The following DIP2C variants were observed in gnomAD, a reference collection of about 807,000 sequenced individuals.
DIP2C encodes the protein disco-interacting protein 2 homolog C.
Under a neutral mutation model 192.4 loss-of-function variants are expected in DIP2C, and 33 were observed. That is an observed-to-expected ratio of 0.17 (90% confidence interval 0.13 to 0.23). DIP2C has a LOEUF of 0.23. DIP2C is among the 10% of genes least tolerant of loss of function. DIP2C has a pLI of 1.00. For synonymous variants in DIP2C, 979 were observed against 864.1 expected (o/e 1.13, Z -2.33); for missense variants, 1,537 against 2,110.1 (o/e 0.73, Z 5.32).
chr10:568,853 T>G (rs1193659421), intron 1 of DIP2C, among the ~76,000 whole-genome samples: 1 of 144,286 alleles, frequency 6.9e-6, no homozygotes, highest in Non-Finnish European at 1.5e-5. Flanking sequence ...TCTGCAAATG[T>G]CTACCTGCAA....
rs750418580 is a variant in DIP2C, at chr10:345,066, C to T, written c.3276G>A (p.Lys1092=). ...CCGCCGCCTCCCTGGACCGCAGCAA[C>T]TTACAGATCAGCTGTGTCGTCATCA... ...ACLMTTQLIC[K]LLRSREAAAA... is the part of the protein sequence containing the mutation. Residue 1092 remains lysine, a synonymous_variant, in exon 27 of 37, where the codon AAG becomes AAA. Coordinates refer to ENST00000280886, the MANE Select transcript of DIP2C (RefSeq NM_014974.3). The T allele has an allele frequency of 5.0e-6, 8 of 1,613,610 alleles. No homozygotes were observed. The highest frequency in any genetic ancestry group is 1.3e-5 in the African/African-American group (1 of 74,934).
rs368878837 is a variant in DIP2C at position 419,169 on chromosome 10, G to A, written c.635C>T (p.Thr212Met). The change falls in exon 6 of 37, where the codon ACG becomes ATG. Residue 212 changes from threonine to methionine, a missense_variant. Around this residue, in one of 4 missense-constraint regions of DIP2C, gnomAD observed 473 missense variants for 539.6 expected, o/e 0.88. Coordinates refer to ENST00000280886, the MANE Select transcript of DIP2C (RefSeq NM_014974.3). The stretch of plus-strand genomic sequence containing the variant: ...CTGTATCGAGTGCTCTGAGGTGTAC[G>A]TGGTTACGTCAGGAGGTGCAGAATG... ...ENHSAPPDVTTYTSEHSIQVE... is the reference protein window; with the variant it reads ...ENHSAPPDVTMYTSEHSIQVE... 4.3e-6 allele frequency: 7 copies of A among 1,614,254 alleles called. No homozygotes were observed. The highest frequency in any genetic ancestry group is 5.1e-6 in the Non-Finnish European group (6 of 1,180,050).
intron 1 of DIP2C, among the ~76,000 whole-genome samples, chr10:559,987 C>G (rs1210911991): frequency 7.1e-6 from 1 of 141,834 alleles, no homozygotes; most frequent in Admixed American, 6.9e-5. Flanking sequence ...TCCTGTTCTC[C>G]TCTCCCCCCG....
At chr10:643,991 G>C (rs1430360612) in intron 1 of DIP2C, among the ~76,000 whole-genome samples, 8 of 152,200 alleles carry the variant, frequency 5.3e-5, no homozygotes, top group Non-Finnish European at 1.5e-5. Flanking sequence ...TTCCAGTTCT[G>C]TTCATTCTGC....
Position 335,600 on chromosome 10 carries a change from G to A in DIP2C, c.3584+5599C>T, listed in dbSNP as rs562989803. Among the ~76,000 whole-genome samples the A allele has an allele frequency of 3.3e-5, 5 of 152,358 alleles. No individual in the cohort carries two copies. The East Asian group carries it at 9.6e-4, about 29-fold the overall frequency. On this transcript the variant is annotated intron_variant, in intron 29 of 36. Coordinates refer to ENST00000280886, the MANE Select transcript of DIP2C (RefSeq NM_014974.3). ...TCTAGGCAGGTGCATTGTCCAATCA[G>A]TCCCCTAACTTGGGGGCTGGTGCTT...
At chr10:592,911 G>C (rs1851485994) in intron 1 of DIP2C, among the ~76,000 whole-genome samples, 1 of 151,488 alleles carries the variant, frequency 6.6e-6, no homozygotes, top group African/African-American at 2.5e-5. Flanking sequence ...GGAAACTTCT[G>C]TGCAAAATGG....
intron 30 of DIP2C, among the ~76,000 whole-genome samples, 184 bp downstream of exon 30, chr10:329,249 G>A (rs1349363394): frequency 2.6e-5 from 4 of 152,180 alleles, no homozygotes; most frequent in Non-Finnish European, 5.9e-5. Flanking sequence ...CTGTGGTCGT[G>A]GGGAAATATT....
chr10:517,582 A>T (rs185522769), intron 1 of DIP2C, among the ~76,000 whole-genome samples: 155 of 152,352 alleles, frequency 1.0e-3, no homozygotes, highest in African/African-American at 3.3e-3. Flanking sequence ...CATGATACCC[A>T]GAATGTCAGA....
intron 1 of DIP2C, among the ~76,000 whole-genome samples, chr10:678,836 C>T (rs1368595402): frequency 7.7e-6 from 1 of 129,488 alleles, no homozygotes; most frequent in Non-Finnish European, 1.6e-5. Context: ...TCCCCACACC[C>T]GTGCTCCCCG....
At chr10:566,410 G>T (rs138454685) in intron 1 of DIP2C, among the ~76,000 whole-genome samples, 1 of 152,296 alleles carries the variant, frequency 6.6e-6, no homozygotes, top group East Asian at 1.9e-4. Flanking sequence ...ACCCACCAGA[G>T]GCGCCACCAA....
intron 1 of DIP2C, among the ~76,000 whole-genome samples, chr10:542,758 T>C (rs2130908926): frequency 6.6e-6 from 1 of 152,094 alleles, no homozygotes; most frequent in African/African-American, 2.4e-5. Context: ...TGGGGGGTTC[T>C]GACCTTGTCC....
chr10:476,317 C>A (rs1003741941), intron 2 of DIP2C, among the ~76,000 whole-genome samples: 2 of 152,142 alleles, frequency 1.3e-5, no homozygotes, highest in Non-Finnish European at 2.9e-5. Flanking sequence ...CCTCCGGGGA[C>A]GGGAGATCCC....
chr10:344,565 TC>T (rs1178432728), intron 28 of DIP2C, among the ~76,000 whole-genome samples: 1 of 152,218 alleles, frequency 6.6e-6, no homozygotes, highest in Non-Finnish European at 1.5e-5. Context: ...TTCGCAGTGT[TC>T]TACTGTCAGC....
At chr10:623,354 G>A (rs1460116968) in intron 1 of DIP2C, among the ~76,000 whole-genome samples, 5 of 151,724 alleles carry the variant, frequency 3.3e-5, no homozygotes, top group East Asian at 1.9e-4. Context: ...CCGTGCTGGC[G>A]AGGGAGGTCA....
chr10:665,819 C>T (rs1857055013), intron 1 of DIP2C: 1 of 152,106 alleles, frequency 6.6e-6, no homozygotes, highest in East Asian at 1.9e-4. Flanking sequence ...GAAAGGAAAA[C>T]AAGAGCCAGG....
chr10:284,798 CTG>C (rs1216884898), intron 34 of DIP2C, among the ~76,000 whole-genome samples: 2 of 152,184 alleles, frequency 1.3e-5, no homozygotes, highest in East Asian at 1.9e-4. Flanking sequence ...GTCGTGGTAA[CTG>C]TTTCATAATA....
At chr10:448,126 T>C (rs1423470944) in intron 3 of DIP2C, among the ~76,000 whole-genome samples, 3 of 120,880 alleles carry the variant, frequency 2.5e-5, no homozygotes, top group Non-Finnish European at 4.7e-5. Flanking sequence ...TCCCCATCTA[T>C]ACTCAGGATC....
intron 33 of DIP2C, among the ~76,000 whole-genome samples, chr10:287,802 CTCT>C (rs1223025183): frequency 3.3e-5 from 5 of 152,126 alleles, no homozygotes; most frequent in African/African-American, 1.2e-4. Context: ...TACTGGTTGT[CTCT>C]TGTTAACCAT....
intron 31 of DIP2C, among the ~76,000 whole-genome samples, chr10:321,210 C>T (rs138347217): frequency 6.6e-6 from 1 of 152,300 alleles, no homozygotes; most frequent in Non-Finnish European, 1.5e-5. Flanking sequence ...AGTGCTTGTC[C>T]AGGCGCCAAG....
Sources: allele counts gnomAD v4.1 joint callset (sites outside exome capture counted in the v4.1 genomes callset), GRCh38; gene constraint gnomAD v4.1.1; regional missense constraint gnomAD v4.1.1; transcripts MANE v1.5; gene names NCBI Gene and HGNC (gene_info 2026-07-23, HGNC 2026-07-21).